PSG11: variants seen among roughly 807,000 people sequenced by gnomAD.
The protein encoded by PSG11 is pregnancy specific beta-1-glycoprotein 11.
In PSG11, 42 loss-of-function variants were observed where a neutral mutation model predicts 36.0. The observed-to-expected ratio is 1.17, with a 90% CI of 0.91 to 1.51. The LOEUF (loss-of-function observed/expected upper bound fraction) is 1.51. PSG11 is among the 40% of genes most tolerant of loss of function. The probability of loss-of-function intolerance (pLI) is 0.00; values close to 1 mark genes in which losing one functional copy is unlikely to be tolerated. For missense variants in PSG11, 558 were observed against 403.5 expected, an observed-to-expected ratio of 1.38 and a Z score of -3.28; for synonymous variants, 206 against 153.5, an observed-to-expected ratio of 1.34 and a Z score of -2.53.
chr19:43,007,902 C>G lies in PSG11; in HGVS notation c.*181G>C. The G allele has an allele frequency of 5.2e-6, 2 of 385,060 alleles. No individual in the cohort carries two copies. The highest frequency in any genetic ancestry group is 3.7e-5 in the East Asian group (1 of 26,738). 23.9% of individuals were successfully genotyped at this position (385,060 alleles called of 1,614,324 possible). A position where few individuals can be genotyped will look rare whatever the true frequency, so the allele number is the denominator to read the frequency against. The stretch of plus-strand genomic sequence containing the variant: ...TTATTTAGTCCAATGAAATGGAGTT[C>G]TTTTCTTCTTTGTCTTGAATTTCAT... On this transcript the variant is annotated 3_prime_UTR_variant, in exon 6 of 6. Transcript: ENST00000320078.
At chr19:43,022,112 A>G (rs979968922) in intron 2 of PSG11, among the ~76,000 whole-genome samples, 12 of 151,582 alleles carry the variant, frequency 7.9e-5, no homozygotes, top group African/African-American at 2.9e-4. Flanking sequence ...CTAGTGAAAG[A>G]CCATGAGATT....
intron 2 of PSG11, among the ~76,000 whole-genome samples, chr19:43,022,858 G>A (rs1967134973): frequency 6.6e-6 from 1 of 150,664 alleles, no homozygotes; most frequent in African/African-American, 2.5e-5. Context: ...GGTGGGCCAG[G>A]CCACAGTGTT....
intron 2 of PSG11, among the ~76,000 whole-genome samples, chr19:43,023,950 G>C (rs1967169679): frequency 6.6e-6 from 1 of 151,478 alleles, no homozygotes; most frequent in African/African-American, 2.4e-5. Context: ...CTTTACGTCA[G>C]ATCCCTGTGG....
chr19:43,012,954 C>T (rs1306159447), intron 4 of PSG11, among the ~76,000 whole-genome samples: 1 of 151,354 alleles, frequency 6.6e-6, no homozygotes, highest in Non-Finnish European at 1.5e-5. Context: ...AATGAAATAT[C>T]ATAGCCCAGA....
chr19:43,023,322 T>C (rs966621096), intron 2 of PSG11, among the ~76,000 whole-genome samples: 4 of 150,892 alleles, frequency 2.7e-5, no homozygotes, highest in African/African-American at 9.8e-5. Flanking sequence ...TCATTTGTTA[T>C]GTGAGAGCTC....
chr19:43,015,480 C>G (rs1966939281), intron 3 of PSG11, 110 bp from the exon 4 acceptor site: 13 of 1,398,976 alleles, frequency 9.3e-6, no homozygotes, highest in Admixed American at 4.4e-5. Flanking sequence ...CCCTCAAGTC[C>G]CAGCCAAACC....
chr19:43,016,345 A>G (rs4029167), intron 3 of PSG11, among the ~76,000 whole-genome samples: 1 of 150,712 alleles, frequency 6.6e-6, no homozygotes, highest in East Asian at 1.9e-4. Context: ...CAGTCCCTCC[A>G]TAATCAGTTG....
Position 43,015,623 on chromosome 19 carries a change from T to A in PSG11, c.710-253A>T, listed in dbSNP as rs532542981. The A allele has an allele frequency of 7.6e-5, 111 of 1,466,414 alleles. 5 individuals are homozygous for A. Among genetic ancestry groups the A allele is most frequent in the East Asian group, 5.8e-4 (25 of 43,270 alleles). 90.8% of individuals were successfully genotyped at this position (1,466,414 alleles called of 1,614,324 possible). On this transcript the variant is annotated intron_variant, in intron 3 of 5. Transcript: ENST00000320078. The stretch of plus-strand genomic sequence containing the variant: ...TTGGTTAAGGCTGTGTCTACCCAAG[T>A]TTTCCCAGGGCAGGGAGTCATGGCC...
At chr19:43,016,918 C>T (rs928718257) in intron 3 of PSG11, among the ~76,000 whole-genome samples, 33 of 151,516 alleles carry the variant, frequency 2.2e-4, no homozygotes, top group Admixed American at 1.3e-4. Context: ...ATCTGGTCCT[C>T]ATGGACCATA....
At chr19:43,013,140 A>G (rs745560736) in intron 4 of PSG11, among the ~76,000 whole-genome samples, 1 of 151,350 alleles carries the variant, frequency 6.6e-6, no homozygotes, top group African/African-American at 2.4e-5. Flanking sequence ...TAAATCATAG[A>G]TCTAAATGTG....
intron 3 of PSG11, among the ~76,000 whole-genome samples, chr19:43,015,599 T>G (rs1419660001): frequency 6.6e-6 from 1 of 151,260 alleles, no homozygotes; most frequent in Non-Finnish European, 1.5e-5. Flanking sequence ...CTTATATTCT[T>G]GGTTAAGGCT....
intron 2 of PSG11, among the ~76,000 whole-genome samples, chr19:43,022,923 C>A (rs950851300): frequency 2.7e-5 from 4 of 150,288 alleles, no homozygotes. Flanking sequence ...TGGGGAAGGC[C>A]TAGGGGTGGG....
In PSG11 at chr19:43,017,246, A is replaced by G. The variant is rs571967510; in HGVS notation, c.709+1524T>C. ...GGACAAAAAGTGTTTTGGATTTCTG[A>G]CATTTTTTGATTCTGAAATATTTGT... On this transcript the variant is annotated intron_variant, in intron 3 of 5. Coordinates refer to ENST00000320078, the MANE Select transcript of PSG11 (RefSeq NM_002785.3). 9 of 151,604 alleles carry G rather than the reference A, an allele frequency of 5.9e-5. 2 individuals are homozygous for G. The South Asian group carries it at 1.7e-3, about 28-fold the overall frequency. 9.4% of individuals were successfully genotyped at this position (151,604 alleles called of 1,614,324 possible). A position where few individuals can be genotyped will look rare whatever the true frequency, so the allele number is the denominator to read the frequency against.
intron 5 of PSG11, among the ~76,000 whole-genome samples, chr19:43,009,720 A>G (rs1974024543): frequency 6.6e-6 from 1 of 151,412 alleles, no homozygotes; most frequent in African/African-American, 2.4e-5. Context: ...TGTGTTTCTC[A>G]TTTGAATCTG....
At position 43,026,366 on chromosome 19, in the gene PSG11, G is replaced by T. The variant is rs771500183; in HGVS notation, c.7C>A (p.Pro3Thr). 3 of 1,609,866 alleles carry T rather than the reference G, an allele frequency of 1.9e-6. No individual in the cohort carries two copies. The highest frequency in any genetic ancestry group is 1.3e-5 in the African/African-American group (1 of 74,206). Residue 3 changes from proline to threonine, a missense_variant, in exon 1 of 6, where the codon CCC (proline) becomes ACC (threonine). Physicochemically the swap from Pro to Thr is conservative, Grantham distance 38 (BLOSUM62 -1). Transcript: ENST00000320078. Reference protein sequence around the residue: MGPLSAPPCTEHI... With the variant: MGTLSAPPCTEHI... The stretch of plus-strand genomic sequence containing the variant: ...TCTGTGCAGGGAGGGGCTGAGAGGG[G>T]CCCCATGATCTCTGCTGCGTGCATG...
intron 5 of PSG11, among the ~76,000 whole-genome samples, chr19:43,008,588 A>G (rs1973991642): frequency 1.3e-5 from 2 of 151,264 alleles, no homozygotes; most frequent in Non-Finnish European, 2.9e-5. Context: ...GAATACTCAT[A>G]TTATTAACAT....
rs1248639581 is a variant in PSG11 at position 43,018,533 on chromosome 19, T to G, written c.709+237A>C. The G allele has an allele frequency of 1.0e-5, 10 of 955,394 alleles. 1 individual carries two copies. The East Asian group carries it at 2.7e-4, about 26-fold the overall frequency. The allele number at this position is 955,394 out of a possible 1,614,324, so 59.2% of individuals were successfully genotyped here. ...CTGGAGCCTGAGACATTCACCTGTT[T>G]CTCCCATCACAATCTGTGGACCCTG... On this transcript the variant is annotated intron_variant, in intron 3 of 5. Transcript: ENST00000320078.
At chr19:43,016,051 T>C in intron 3 of PSG11, 1 of 1,605,964 alleles carries the variant, frequency 6.2e-7, no homozygotes, top group Non-Finnish European at 8.5e-7. Context: ...CTTTGCTGTG[T>C]GGATAACAGA....
chr19:43,014,748 T>G lies in PSG11; in HGVS notation c.964+368A>C, dbSNP rs547876703. On this transcript the variant is annotated intron_variant, in intron 4 of 5. Transcript: ENST00000320078. ...AGCCTCAGATGTTCCTTGTAGTTCA[T>G]GGAAGAGGTACAAGAAAACAAAGAC... 8.2e-5 allele frequency: 101 copies of G among 1,228,196 alleles called. 4 individuals carry two copies. The highest frequency in any genetic ancestry group is 4.7e-4 in the South Asian group (17 of 36,424). 76.1% of individuals were successfully genotyped at this position (1,228,196 alleles called of 1,614,324 possible).
Sources: allele counts gnomAD v4.1 joint callset (sites outside exome capture counted in the v4.1 genomes callset), GRCh38; gene constraint gnomAD v4.1.1; transcripts MANE v1.5; gene names NCBI Gene and HGNC (gene_info 2026-07-23, HGNC 2026-07-21).